The following SLITRK1 variants were observed in gnomAD, a reference collection of about 807,000 sequenced individuals.
The protein encoded by SLITRK1 is SLIT and NTRK-like protein 1.
Under a neutral mutation model 42.4 loss-of-function variants are expected in SLITRK1, and 10 were observed. That is an observed-to-expected ratio of 0.24 (90% confidence interval 0.15 to 0.40). The LOEUF (loss-of-function observed/expected upper bound fraction) is 0.40, where lower values mean the gene tolerates loss of function less well. Among genes scored for constraint, SLITRK1 ranks in the 10% least tolerant of loss-of-function variants. SLITRK1 has a pLI of 1.00. For missense variants in SLITRK1, 778 were observed against 848.8 expected, an observed-to-expected ratio of 0.92 and a Z score of 1.04; for synonymous variants, 389 against 365.7, an observed-to-expected ratio of 1.06 and a Z score of -0.73.
rs1465313397 is a variant in SLITRK1 at position 83,880,658 on chromosome 13, C to G, written c.850G>C (p.Gly284Arg). The G allele has an allele frequency of 6.2e-7, 1 of 1,614,062 alleles. No individual in the cohort carries two copies. Among genetic ancestry groups the G allele is most frequent in the Non-Finnish European group, 8.5e-7 (1 of 1,180,012 alleles). ...GTCTTGAAAGGAGTTGGCAGGGGTC[C>G]AGGAGCAAAGGTCTCTTCTTGGGCA... ...PPAQEETFAP[G>R]PLPTPFKTNG... Residue 284 changes from glycine to arginine, a missense_variant, in exon 2 of 2, where the codon GGA (glycine) becomes CGA (arginine). Gly to Arg is a moderately radical substitution (Grantham distance 125). Coordinates refer to ENST00000674365, the MANE Select transcript of SLITRK1 (RefSeq NM_001281503.2).
At position 83,879,323 on chromosome 13, in the gene SLITRK1, G is replaced by C; in HGVS notation, c.*94C>G. 1.3e-6 allele frequency: 2 copies of C among 1,510,448 alleles called. No individual in the cohort carries two copies. Among genetic ancestry groups the C allele is most frequent in the Non-Finnish European group, 1.8e-6 (2 of 1,105,508 alleles). 93.6% of individuals were successfully genotyped at this position (1,510,448 alleles called of 1,614,324 possible). A position where few individuals can be genotyped will look rare whatever the true frequency, so the allele number is the denominator to read the frequency against. On this transcript the variant is annotated 3_prime_UTR_variant, in exon 2 of 2. Transcript: ENST00000674365. ...ATGCCCATCCAGGCTGATGGCGCGG[G>C]GATTTGGGTACACGCCCCTCCAGCC...
chr13:83,879,978 C>T lies in SLITRK1; in HGVS notation c.1530G>A (p.Pro510=). The change falls in exon 2 of 2, where the codon CCG becomes CCA. Residue 510 remains proline (P), a synonymous_variant. Coordinates refer to ENST00000674365, the MANE Select transcript of SLITRK1 (RefSeq NM_001281503.2). ...TTAACTGGTCCAGCACCCCTGCCAC[C>T]GGGAGGTACATGAAGTAATTGTTGT... ...SLHNNYFMYL[P]VAGVLDQLTS... 6.2e-7 allele frequency: 1 copy of T among 1,614,006 alleles called. No homozygotes were observed. The highest frequency in any genetic ancestry group is 8.5e-7 in the Non-Finnish European group (1 of 1,180,022).
rs569159908 is a variant in SLITRK1 at position 83,879,756 on chromosome 13, C to T, written c.1752G>A (p.Arg584=). ...TGTGCGAAGTTAACGTGGGCGAGAT[C>T]CTAGCGTACAGCTGAGGGCAGATCT... ...NDEICPQLYA[R]ISPTLTSHSK... is the part of the protein sequence containing the mutation. The change falls in exon 2 of 2, where the codon AGG becomes AGA. Residue 584 remains arginine, a synonymous_variant. Transcript: ENST00000674365. 2 of 1,613,984 alleles carry T rather than the reference C, an allele frequency of 1.2e-6. No homozygotes were observed. Among genetic ancestry groups the T allele is most frequent in the Admixed American group, 3.3e-5 (2 of 60,010 alleles).
chr13:83,879,346 G>T lies in SLITRK1; in HGVS notation c.*71C>A. The stretch of plus-strand genomic sequence containing the variant: ...GGGGATTTGGGTACACGCCCCTCCA[G>T]CCCCCGGGGTGCCTGCGGTGGGGAA... On this transcript the variant is annotated 3_prime_UTR_variant, in exon 2 of 2. Coordinates refer to ENST00000674365, the MANE Select transcript of SLITRK1 (RefSeq NM_001281503.2). 6.3e-7 allele frequency: 1 copy of T among 1,588,132 alleles called. No homozygotes were observed. The highest frequency in any genetic ancestry group is 8.6e-7 in the Non-Finnish European group (1 of 1,167,680).
rs753343543 is a variant in SLITRK1, at chr13:83,880,103, C to T, written c.1405G>A (p.Ala469Thr). Residue 469 changes from alanine to threonine, a missense_variant, in exon 2 of 2, where the codon GCC becomes ACC. Around this residue, in one of 4 missense-constraint regions of SLITRK1, gnomAD observed 395 missense variants for 360.4 expected, o/e 1.10. Coordinates refer to ENST00000674365, the MANE Select transcript of SLITRK1 (RefSeq NM_001281503.2). ...ATGAGGATCCTCAGTTTGGGCATGG[C>T]ATTGAAAGTGCCCGGGAGGATGAGC... is the stretch of plus-strand genomic sequence containing the variant. Reference protein sequence around the residue: ...IQLILPGTFNAMPKLRILILN... With the variant: ...IQLILPGTFNTMPKLRILILN... 1.2e-4 allele frequency: 199 copies of T among 1,613,838 alleles called. No homozygotes were observed. In the Middle Eastern group the frequency reaches 2.0e-3, roughly 16 times the overall value.
rs1202235175 is a variant in SLITRK1, at chr13:83,882,224, T to G, written c.-274A>C. 1.2e-5 allele frequency: 2 copies of G among 166,906 alleles called. No individual in the cohort carries two copies. The highest frequency in any genetic ancestry group is 4.8e-5 in the African/African-American group (2 of 41,384). The allele number at this position is 166,906 out of a possible 1,614,324, so 10.3% of individuals were successfully genotyped here. A position where few individuals can be genotyped will look rare whatever the true frequency, so the allele number is the denominator to read the frequency against. On this transcript the variant is annotated 5_prime_UTR_variant, in exon 1 of 2. Transcript: ENST00000674365. ...GTTTTGTGGTTGTCCATCCTTTTCC[T>G]TTCCTCCCCTTCGGTCCTCTTAAGG...
rs779339863 is a variant in SLITRK1 at position 83,881,294 on chromosome 13, G to C, written c.214C>G (p.Arg72Gly). ...HLFLHGNSLT[R>G]LFPNEFANFY... is the part of the protein sequence containing the mutation. Reference sequence around the variant, plus strand: ...TTAGCGAACTCATTAGGGAAAAGTCGAGTGAGGGAATTGCCATGCAGAAAT... The same window carrying C: ...TTAGCGAACTCATTAGGGAAAAGTCCAGTGAGGGAATTGCCATGCAGAAAT... Residue 72 changes from arginine to glycine, a missense_variant, in exon 2 of 2, where the codon CGA becomes GGA. By Grantham distance (125) the Arg-to-Gly change is moderately radical (BLOSUM62 -2). This residue lies in a region of SLITRK1 where 204 missense variants were observed against 295.3 expected (regional missense o/e 0.69). Coordinates refer to ENST00000674365, the MANE Select transcript of SLITRK1 (RefSeq NM_001281503.2). The C allele has an allele frequency of 1.9e-6, 3 of 1,614,128 alleles. No homozygotes were observed. Among genetic ancestry groups the C allele is most frequent in the Non-Finnish European group, 2.5e-6 (3 of 1,180,030 alleles).
chr13:83,880,669 G>T lies in SLITRK1; in HGVS notation c.839C>A (p.Thr280Asn). ...AGTTGGCAGGGGTCCAGGAGCAAAG[G>T]TCTCTTCTTGGGCAGGGGGCGCCGG... ...SLPAPPAQEE[T>N]FAPGPLPTPF... is the part of the protein sequence containing the mutation. Residue 280 changes from threonine to asparagine, a missense_variant, in exon 2 of 2, where the codon ACC becomes AAC. Thr to Asn is a moderately conservative substitution (Grantham distance 65). Coordinates refer to ENST00000674365, the MANE Select transcript of SLITRK1 (RefSeq NM_001281503.2). 6.2e-7 allele frequency: 1 copy of T among 1,614,104 alleles called. No individual in the cohort carries two copies. The highest frequency in any genetic ancestry group is 1.1e-5 in the South Asian group (1 of 91,078).
chr13:83,881,046 G>A lies in SLITRK1; in HGVS notation c.462C>T (p.Asn154=), dbSNP rs766367323. Residue 154 remains asparagine, a synonymous_variant, in exon 2 of 2, where the codon AAC becomes AAT. Transcript: ENST00000674365. ...CATTTAAAATGAGCACCTCCAGCTT[G>A]TTCAAGTCCTGGAAGGCCCCCGGGT... is the stretch of plus-strand genomic sequence containing the variant. ...DIDPGAFQDL[N]KLEVLILNDN... 1.2e-5 allele frequency: 19 copies of A among 1,613,904 alleles called. No individual in the cohort carries two copies. In the Admixed American group the frequency reaches 1.8e-4, roughly 16 times the overall value.
chr13:83,880,642 G>C lies in SLITRK1; in HGVS notation c.866C>G (p.Pro289Arg). 1 of 1,614,152 alleles carries C rather than the reference G, an allele frequency of 6.2e-7. No homozygotes were observed. Among genetic ancestry groups the C allele is most frequent in the Non-Finnish European group, 8.5e-7 (1 of 1,180,034 alleles). The change falls in exon 2 of 2, where the codon CCT becomes CGT. Residue 289 changes from proline to arginine, a missense_variant. Coordinates refer to ENST00000674365, the MANE Select transcript of SLITRK1 (RefSeq NM_001281503.2). ...ATCCTCTTGCCCATTTGTCTTGAAA[G>C]GAGTTGGCAGGGGTCCAGGAGCAAA... ...ETFAPGPLPT[P>R]FKTNGQEDHA...
Position 83,878,744 on chromosome 13 carries a change from C to T in SLITRK1, c.*673G>A, listed in dbSNP as rs1030669363. ...ACTGCCTACCGATCACAAATAATGG[C>T]GAAATGGCACTTTCTGATTATACTG... On this transcript the variant is annotated 3_prime_UTR_variant, in exon 2 of 2. Coordinates refer to ENST00000674365, the MANE Select transcript of SLITRK1 (RefSeq NM_001281503.2). 1 of 152,608 alleles carries T rather than the reference C, an allele frequency of 6.6e-6. No homozygotes were observed. Among genetic ancestry groups the T allele is most frequent in the African/African-American group, 2.4e-5 (1 of 41,380 alleles). The allele number at this position is 152,608 out of a possible 1,614,324, so 9.5% of individuals were successfully genotyped here. A position where few individuals can be genotyped will look rare whatever the true frequency, so the allele number is the denominator to read the frequency against.
chr13:83,881,894 A>C (rs1203112393), intron 1 of SLITRK1, 110 bp downstream of exon 1: 2 of 199,814 alleles, frequency 1.0e-5, no homozygotes, highest in Non-Finnish European at 2.2e-5. Context: ...CACTGATCAG[A>C]AATGAAACAA....
At position 83,877,517 on chromosome 13, in the gene SLITRK1, A is replaced by C. The variant is rs1884715352; in HGVS notation, c.*1900T>G. ...TAGAAATCCCAGAGGAATATGATTGAGGCCAGAGTTACATTGGTTCATAAA... is the reference window on the plus strand; with the variant it reads ...TAGAAATCCCAGAGGAATATGATTGCGGCCAGAGTTACATTGGTTCATAAA... On this transcript the variant is annotated 3_prime_UTR_variant, in exon 2 of 2. Transcript: ENST00000674365. 6.6e-6 allele frequency: 1 copy of C among 152,224 alleles called. No homozygotes were observed. Among genetic ancestry groups the C allele is most frequent in the Admixed American group, 6.5e-5 (1 of 15,286 alleles). 9.4% of individuals were successfully genotyped at this position (152,224 alleles called of 1,614,324 possible). A position where few individuals can be genotyped will look rare whatever the true frequency, so the allele number is the denominator to read the frequency against.
rs752268430 is a variant in SLITRK1 at position 83,881,196 on chromosome 13, C to A, written c.312G>T (p.Gly104=). The part of the protein sequence containing the change: ...LHEIVPGAFL[G]LQLVKRLHIN... ...TGTGCAGCCTTTTCACCAGCTGCAGCCCCAGAAAAGCCCCCGGAACGATTT... is the reference window on the plus strand; with the variant it reads ...TGTGCAGCCTTTTCACCAGCTGCAGACCCAGAAAAGCCCCCGGAACGATTT... Residue 104 remains glycine, a synonymous_variant, in exon 2 of 2, where the codon GGG becomes GGT. Coordinates refer to ENST00000674365, the MANE Select transcript of SLITRK1 (RefSeq NM_001281503.2). 16 of 1,613,988 alleles carry A rather than the reference C, an allele frequency of 9.9e-6. No homozygotes were observed. In the Admixed American group the frequency reaches 2.7e-4, roughly 27 times the overall value.
chr13:83,879,726 T>C lies in SLITRK1; in HGVS notation c.1782A>G (p.Lys594=). Reference sequence around the variant, plus strand: ...CGGTCTCCGCCAACCCAGTGCTGTTTTTACTGTGCGAAGTTAACGTGGGCG... The same window carrying C: ...CGGTCTCCGCCAACCCAGTGCTGTTCTTACTGTGCGAAGTTAACGTGGGCG... ...RISPTLTSHS[K]NSTGLAETGT... Residue 594 remains lysine (K), a synonymous_variant, in exon 2 of 2, where the codon AAA becomes AAG. Transcript: ENST00000674365. The C allele has an allele frequency of 6.2e-7, 1 of 1,613,906 alleles. No individual in the cohort carries two copies.
Position 83,880,755 on chromosome 13 carries a change from G to GTCT in SLITRK1, c.750_752dup (p.Lys250_Asp251insGlu). 6.2e-7 allele frequency: 1 copy of GTCT among 1,614,082 alleles called. No homozygotes were observed. The highest frequency in any genetic ancestry group is 8.5e-7 in the Non-Finnish European group (1 of 1,180,020). ...AGTCCTGTTCGGTGGTTTCATTGAG[G>GTCT]TCTTTACCCTGCAGTCTGGTGGGGG... On this transcript the variant is annotated inframe_insertion, in exon 2 of 2. Transcript: ENST00000674365.
At position 83,882,405 on chromosome 13, in the gene SLITRK1, A is replaced by C; in HGVS notation, c.-455T>G. 1 of 76,960 alleles carries C rather than the reference A, an allele frequency of 1.3e-5. No individual in the cohort carries two copies. Among genetic ancestry groups the C allele is most frequent in the African/African-American group, 5.0e-5 (1 of 19,996 alleles). 4.8% of individuals were successfully genotyped at this position (76,960 alleles called of 1,614,324 possible). On this transcript the variant is annotated 5_prime_UTR_variant, in exon 1 of 2. Transcript: ENST00000674365. ...AGGAAGAGAGCGCGAGAATGAGGGG[A>C]GGGGGGCGGAGAAGAGAGTTGCTAA...
rs768787500 is a variant in SLITRK1, at chr13:83,881,114, G to A, written c.394C>T (p.Leu132=). ...TTAAAATCAGCCTGGAGATATTCCA[G>A]ATCGTCCAGCCCCAGAAAAGTCTGC... is the stretch of plus-strand genomic sequence containing the variant. ...RKQTFLGLDD[L]EYLQADFNLL... The change falls in exon 2 of 2, where the codon CTG becomes TTG. Residue 132 remains leucine, a synonymous_variant. Coordinates refer to ENST00000674365, the MANE Select transcript of SLITRK1 (RefSeq NM_001281503.2). 6.2e-7 allele frequency: 1 copy of A among 1,614,100 alleles called. No homozygotes were observed. Among genetic ancestry groups the A allele is most frequent in the Non-Finnish European group, 8.5e-7 (1 of 1,180,036 alleles).
Position 83,880,604 on chromosome 13 carries a change from C to T in SLITRK1, c.904G>A (p.Gly302Arg). Reference protein sequence around the residue: ...TNGQEDHATPGSAPNGGTKIP... With the variant: ...TNGQEDHATPRSAPNGGTKIP... ...TTTGTACCTCCGTTTGGAGCAGACC[C>T]TGGTGTGGCATGATCCTCTTGCCCA... Residue 302 changes from glycine (G) to arginine (R), a missense_variant, in exon 2 of 2, where the codon GGG (glycine) becomes AGG (arginine). Physicochemically the swap from Gly to Arg is moderately radical, Grantham distance 125 (BLOSUM62 -2). Coordinates refer to ENST00000674365, the MANE Select transcript of SLITRK1 (RefSeq NM_001281503.2). The T allele has an allele frequency of 6.2e-7, 1 of 1,614,100 alleles. No individual in the cohort carries two copies. The highest frequency in any genetic ancestry group is 8.5e-7 in the Non-Finnish European group (1 of 1,180,032).
Sources: allele counts gnomAD v4.1 joint callset, GRCh38; gene constraint gnomAD v4.1.1; regional missense constraint gnomAD v4.1.1; transcripts MANE v1.5; gene names NCBI Gene and HGNC (gene_info 2026-07-23, HGNC 2026-07-21).